PCDHA7: variants seen among roughly 807,000 people sequenced by gnomAD.
The protein encoded by PCDHA7 is protocadherin alpha-7.
A neutral mutation model predicts 57.2 loss-of-function variants in PCDHA7; 37 were observed. The ratio of observed to expected loss-of-function variants is 0.65; its 90% CI spans 0.50 to 0.85. PCDHA7 has a LOEUF of 0.85. PCDHA7 is among the 40% of genes least tolerant of loss of function. The probability of loss-of-function intolerance (pLI) is 0.00; values close to 1 mark genes in which losing one functional copy is unlikely to be tolerated. For synonymous variants in PCDHA7, 553 were observed against 558.8 expected, an observed-to-expected ratio of 0.99 and a Z score of 0.15; for missense variants, 1,188 against 1,241.8, an observed-to-expected ratio of 0.96 and a Z score of 0.65.
chr5:140,937,838 G>A (rs757526914), intron 1 of PCDHA7, among the ~76,000 whole-genome samples: 3 of 150,986 alleles, frequency 2.0e-5, no homozygotes, highest in Non-Finnish European at 2.9e-5. Context: ...CATGAACCTG[G>A]AAGGCGGAAC....
intron 1 of PCDHA7, chr5:140,849,778 G>C (rs2150449659): frequency 1.9e-6 from 3 of 1,598,508 alleles, no homozygotes; most frequent in Non-Finnish European, 2.6e-6. Context: ...GTTACCGCGC[G>C]GGACGGGGGC....
At chr5:140,927,575 A>G (rs782237037) in intron 1 of PCDHA7, 1 of 1,614,202 alleles carries the variant, frequency 6.2e-7, no homozygotes, top group South Asian at 1.1e-5. Context: ...GACACAAATG[A>G]CAACGCGCCT....
rs782398517 is a variant in PCDHA7 at position 140,857,600 on chromosome 5, G to T, written c.2355+20862G>T. 9 of 1,596,344 alleles carry T rather than the reference G, an allele frequency of 5.6e-6. No homozygotes were observed. Among genetic ancestry groups the T allele is most frequent in the Non-Finnish European group, 7.7e-6 (9 of 1,167,692 alleles). On this transcript the variant is annotated intron_variant, in intron 1 of 3. Transcript: ENST00000525929. ...GCACGCGGAGAGCGGCAAGGTGTAC[G>T]CGCTGCAGCCGCTGGACCACGAGGA...
intron 3 of PCDHA7, among the ~76,000 whole-genome samples, chr5:141,008,498 T>G (rs2098379874): frequency 6.6e-6 from 1 of 152,158 alleles, no homozygotes. Context: ...CTGGTATACT[T>G]TATGGTGTGT....
chr5:140,940,468 C>A (rs2092618066), intron 1 of PCDHA7, among the ~76,000 whole-genome samples: 1 of 151,866 alleles, frequency 6.6e-6, no homozygotes, highest in African/African-American at 2.4e-5. Flanking sequence ...CTGTTCCCTG[C>A]AATTTTTTTT....
intron 1 of PCDHA7, chr5:140,927,896 A>T: frequency 1.2e-6 from 2 of 1,614,200 alleles, no homozygotes; most frequent in Non-Finnish European, 1.7e-6. Flanking sequence ...GACGTGAACG[A>T]TCATGCCCCC....
At chr5:140,875,467 T>G in intron 1 of PCDHA7, 2 of 1,600,082 alleles carry the variant, frequency 1.2e-6, no homozygotes, top group Non-Finnish European at 1.7e-6. Flanking sequence ...GCCCTCATTT[T>G]CTGCAATGGT....
In PCDHA7 at chr5:141,011,249, G is replaced by A. The variant is rs1159894108; in HGVS notation, c.*1312G>A. The A allele has an allele frequency of 6.5e-6, 1 of 153,682 alleles. No homozygotes were observed. The highest frequency in any genetic ancestry group is 1.5e-5 in the Non-Finnish European group (1 of 68,038). The allele number at this position is 153,682 out of a possible 1,614,324, so 9.5% of individuals were successfully genotyped here. On this transcript the variant is annotated 3_prime_UTR_variant, in exon 4 of 4. Coordinates refer to ENST00000525929, the MANE Select transcript of PCDHA7 (RefSeq NM_018910.3). ...TACTAATTCTGTGACTTGTCTTGGT[G>A]TGCTAGCCTACACCTTCTCTTTGGT... is the stretch of plus-strand genomic sequence containing the variant.
At chr5:140,967,424 G>A (rs1554229541) in intron 1 of PCDHA7, 4 of 1,613,184 alleles carry the variant, frequency 2.5e-6, no homozygotes, top group Non-Finnish European at 2.5e-6. Context: ...CCGGGAGCAG[G>A]CAGCCTTGCA....
intron 1 of PCDHA7, chr5:140,861,381 G>T: frequency 2.3e-6 from 1 of 433,922 alleles, no homozygotes; most frequent in African/African-American, 2.0e-5. Context: ...TATTGCGCAG[G>T]ACCTGGGTCT....
At chr5:140,982,312 T>C in intron 2 of PCDHA7, 163 bp from the exon 3 acceptor site, 1 of 1,315,948 alleles carries the variant, frequency 7.6e-7, no homozygotes, top group Non-Finnish European at 1.0e-6. Context: ...TTCTGCAGTT[T>C]ATGCAGGGTG....
chr5:140,858,741 A>G, intron 1 of PCDHA7: 1 of 467,024 alleles, frequency 2.1e-6, no homozygotes, highest in Middle Eastern at 5.8e-4. Flanking sequence ...TACTTTCATA[A>G]TCACTTTTCG....
chr5:140,835,702 G>T lies in PCDHA7; in HGVS notation c.1319G>T (p.Ser440Ile). 6.2e-7 allele frequency: 1 copy of T among 1,613,922 alleles called. No homozygotes were observed. Among genetic ancestry groups the T allele is most frequent in the South Asian group, 1.1e-5 (1 of 91,074 alleles). Residue 440 changes from serine (S) to isoleucine (I), a missense_variant, in exon 1 of 4, where the codon AGC (serine) becomes ATC (isoleucine). Transcript: ENST00000525929. ...GGSPSLWATA[S>I]VSVEVADVND... Reference sequence around the variant, plus strand: ...TCGCCTTCTCTGTGGGCCACTGCTAGCGTGTCCGTGGAGGTGGCCGACGTG... The same window carrying T: ...TCGCCTTCTCTGTGGGCCACTGCTATCGTGTCCGTGGAGGTGGCCGACGTG...
chr5:140,925,125 A>G (rs1399052853), intron 1 of PCDHA7, among the ~76,000 whole-genome samples: 2 of 150,878 alleles, frequency 1.3e-5, no homozygotes, highest in African/African-American at 2.4e-5. Flanking sequence ...AAGGAAGGAA[A>G]AAAAATTTCA....
chr5:140,927,802 A>G (rs782489417), intron 1 of PCDHA7: 1 of 1,614,030 alleles, frequency 6.2e-7, no homozygotes, highest in African/African-American at 1.3e-5. Flanking sequence ...TCCGCCTGAA[A>G]CGCTCTTGGA....
intron 1 of PCDHA7, among the ~76,000 whole-genome samples, chr5:140,946,059 G>GA (rs2093880331): frequency 6.6e-6 from 1 of 152,156 alleles, no homozygotes; most frequent in East Asian, 1.9e-4. Flanking sequence ...CAGAATGGGA[G>GA]AAAATATTTG....
chr5:140,986,358 A>C (rs1440671712), intron 3 of PCDHA7, among the ~76,000 whole-genome samples: 1 of 152,116 alleles, frequency 6.6e-6, no homozygotes, highest in African/African-American at 2.4e-5. Context: ...CTTCAGATGG[A>C]GGAATGCGTT....
chr5:140,849,833 C>A, intron 1 of PCDHA7: 1 of 1,598,398 alleles, frequency 6.3e-7, no homozygotes, highest in South Asian at 1.1e-5. Context: ...TGGAGGTGGC[C>A]GACGTGAACG....
intron 1 of PCDHA7, among the ~76,000 whole-genome samples, chr5:140,941,621 G>A (rs552509224): frequency 6.6e-6 from 1 of 151,808 alleles, no homozygotes; most frequent in South Asian, 2.1e-4. Context: ...AGCCCATCCT[G>A]CTTCTTAATT....
Sources: allele counts gnomAD v4.1 joint callset (sites outside exome capture counted in the v4.1 genomes callset), GRCh38; gene constraint gnomAD v4.1.1; transcripts MANE v1.5; gene names NCBI Gene and HGNC (gene_info 2026-07-23, HGNC 2026-07-21).